Variants in MYO1E observed in about 807,000 individuals in gnomAD.
The protein encoded by MYO1E is unconventional myosin-Ie.
MYO1E carries 68 observed loss-of-function variants against 151.1 expected under a neutral mutation model. The ratio of observed to expected loss-of-function variants is 0.45; its 90% CI spans 0.37 to 0.55. The LOEUF (loss-of-function observed/expected upper bound fraction) is 0.55. MYO1E is among the 20% of genes least tolerant of loss of function. The probability of loss-of-function intolerance (pLI) is 0.00; values close to 1 mark genes in which losing one functional copy is unlikely to be tolerated. For missense variants in MYO1E, 1,363 were observed against 1,389.3 expected, an observed-to-expected ratio of 0.98 and a Z score of 0.30; for synonymous variants, 601 against 501.7, an observed-to-expected ratio of 1.20 and a Z score of -2.64.
intron 14 of MYO1E, chr15:59,208,076 T>G: frequency 6.4e-7 from 1 of 1,574,314 alleles, no homozygotes; most frequent in Admixed American, 2.0e-5. Flanking sequence ...CAGAATAAGC[T>G]TAAGCTTTAA....
intron 17 of MYO1E, among the ~76,000 whole-genome samples, chr15:59,194,761 T>C (rs1426636089): frequency 6.6e-6 from 1 of 152,126 alleles, no homozygotes; most frequent in South Asian, 2.1e-4. Flanking sequence ...ACAAAATTCA[T>C]ACCCTCTAGC....
At chr15:59,361,941 A>C (rs1312028164) in intron 1 of MYO1E, among the ~76,000 whole-genome samples, 1 of 151,896 alleles carries the variant, frequency 6.6e-6, no homozygotes, top group African/African-American at 2.4e-5. Context: ...GGTTCAAACG[A>C]TTCTCCTGCC....
chr15:59,210,638 GAT>G, intron 12 of MYO1E, 38 bp from the exon 13 acceptor site: 1 of 1,422,178 alleles, frequency 7.0e-7, no homozygotes, highest in South Asian at 1.1e-5. Flanking sequence ...TTATTTCCCA[GAT>G]AGCAAGAGCT....
rs762514912 is a variant in MYO1E at position 59,163,275 on chromosome 15, G to T, written c.2509C>A (p.His837Asn). The T allele has an allele frequency of 2.5e-6, 4 of 1,613,570 alleles. No individual in the cohort carries two copies. The African/African-American group carries it at 4.0e-5, about 16-fold the overall frequency. The change falls in exon 23 of 28, where the codon CAT becomes AAT. Residue 837 changes from histidine (H) to asparagine (N), a missense_variant. Physicochemically the swap from His to Asn is moderately conservative, Grantham distance 68. Transcript: ENST00000288235. ...STMQDDIFIL[H>N]EQEYDSLLES... ...AGCAAACTGTCATACTCTTGCTCAT[G>T]GAGAATAAAAATGTCATCCTGCATA...
intron 2 of MYO1E, among the ~76,000 whole-genome samples, chr15:59,263,604 C>T (rs1490545929): frequency 2.0e-5 from 3 of 152,016 alleles, no homozygotes; most frequent in African/African-American, 7.3e-5. Flanking sequence ...GGTAAGCATG[C>T]AGAATGACAT....
At chr15:59,285,728 T>G (rs992725227) in intron 1 of MYO1E, among the ~76,000 whole-genome samples, 1 of 152,128 alleles carries the variant, frequency 6.6e-6, no homozygotes, top group Non-Finnish European at 1.5e-5. Flanking sequence ...GTGAAAAAAA[T>G]TTTTAAGAAA....
rs1450672275 is a variant in MYO1E, at chr15:59,136,894, G to A, written c.*486C>T. The A allele has an allele frequency of 7.5e-6, 3 of 398,196 alleles. No individual in the cohort carries two copies. The highest frequency in any genetic ancestry group is 6.2e-5 in the African/African-American group (3 of 48,224). The allele number at this position is 398,196 out of a possible 1,614,324, so 24.7% of individuals were successfully genotyped here. ...CATGGGAAGTGCCTGCTCACGCTAA[G>A]CCCAGTCTGCAGAGGGCGGGTCCTC... On this transcript the variant is annotated 3_prime_UTR_variant, in exon 28 of 28. Coordinates refer to ENST00000288235, the MANE Select transcript of MYO1E (RefSeq NM_004998.4).
rs542482453 is a variant in MYO1E, at chr15:59,372,866, A to G, written c.-366T>C. On this transcript the variant is annotated 5_prime_UTR_variant, in exon 1 of 28. Transcript: ENST00000288235. ...CACTTAATCCGTACTCCTCTGGCTGAGTCTCGGCTCGGGCCGGGCAATCTG... is the reference window on the plus strand; with the variant it reads ...CACTTAATCCGTACTCCTCTGGCTGGGTCTCGGCTCGGGCCGGGCAATCTG... The G allele has an allele frequency of 2.8e-4, 93 of 331,894 alleles. No individual in the cohort carries two copies. Among genetic ancestry groups the G allele is most frequent in the African/African-American group, 1.9e-3 (87 of 46,116 alleles). 20.6% of individuals were successfully genotyped at this position (331,894 alleles called of 1,614,324 possible).
At chr15:59,143,318 TG>T (rs2079422103) in intron 26 of MYO1E, among the ~76,000 whole-genome samples, 1 of 151,936 alleles carries the variant, frequency 6.6e-6, no homozygotes, top group African/African-American at 2.4e-5. Flanking sequence ...GTGTGGATAG[TG>T]GGGACTGTCT....
chr15:59,141,510 T>A (rs930364567), intron 26 of MYO1E, among the ~76,000 whole-genome samples: 9 of 152,154 alleles, frequency 5.9e-5, no homozygotes, highest in Admixed American at 5.9e-4. Context: ...TTAAAAAATA[T>A]AGGACTGGCT....
At chr15:59,151,329 T>C (rs1361064476) in intron 26 of MYO1E, among the ~76,000 whole-genome samples, 1 of 150,808 alleles carries the variant, frequency 6.6e-6, no homozygotes, top group African/African-American at 2.4e-5. Context: ...ACTCAGGAGG[T>C]TGACGCAGGA....
In MYO1E at chr15:59,151,116, T is replaced by C. The variant is rs369333634; in HGVS notation, c.3080+2474A>G. ...GGGCGGCATCCACTCTACTGATGGCTGTCTGTGTGATAAAACTAAGGTGCT... is the reference window on the plus strand; with the variant it reads ...GGGCGGCATCCACTCTACTGATGGCCGTCTGTGTGATAAAACTAAGGTGCT... On this transcript the variant is annotated intron_variant, in intron 26 of 27. Coordinates refer to ENST00000288235, the MANE Select transcript of MYO1E (RefSeq NM_004998.4). Among the ~76,000 whole-genome samples the C allele has an allele frequency of 5.3e-5, 8 of 152,082 alleles. No homozygotes were observed. The East Asian group carries it at 1.2e-3, about 22-fold the overall frequency.
At position 59,211,199 on chromosome 15, in the gene MYO1E, C is replaced by CAA. The variant is rs34629822; in HGVS notation, c.1276-601_1276-600dup. ...TGGATGACAGAGCGAAACTCCAACT[C>CAA]AAAAAAAAAAAAAAAAATTGAATAT... On this transcript the variant is annotated intron_variant, in intron 12 of 27. Transcript: ENST00000288235. Among the ~76,000 whole-genome samples the CAA allele has an allele frequency of 2.0e-3, 227 of 116,184 alleles. 3 individuals carry two copies. The highest frequency in any genetic ancestry group is 5.9e-3 in the African/African-American group (197 of 33,280). 76.2% of individuals were successfully genotyped at this position (116,184 alleles called of 152,430 possible). A position where few individuals can be genotyped will look rare whatever the true frequency, so the allele number is the denominator to read the frequency against.
At chr15:59,340,557 C>CAG (rs2140428721) in intron 1 of MYO1E, among the ~76,000 whole-genome samples, 1 of 152,254 alleles carries the variant, frequency 6.6e-6, no homozygotes. Flanking sequence ...TATCAAATAA[C>CAG]AGTAGCATCA....
intron 18 of MYO1E, 96 bp from the exon 19 acceptor site, chr15:59,178,633 C>T (rs2140320041): frequency 2.0e-6 from 3 of 1,473,384 alleles, no homozygotes; most frequent in South Asian, 1.3e-5. Flanking sequence ...CTGAAGGTGC[C>T]CAGTGCTGCA....
intron 13 of MYO1E, among the ~76,000 whole-genome samples, chr15:59,209,450 G>T (rs1346247546): frequency 1.3e-5 from 2 of 152,010 alleles, no homozygotes; most frequent in Non-Finnish European, 2.9e-5. Context: ...GGCCGAGGGG[G>T]GTGGATCACG....
intron 18 of MYO1E, among the ~76,000 whole-genome samples, chr15:59,182,238 G>A (rs2079666134): frequency 6.6e-6 from 1 of 152,028 alleles, no homozygotes; most frequent in African/African-American, 2.4e-5. Context: ...TTGAGATGGA[G>A]TTCCACTCTT....
intron 4 of MYO1E, among the ~76,000 whole-genome samples, chr15:59,238,592 A>T (rs2080080645): frequency 6.6e-6 from 1 of 152,054 alleles, no homozygotes; most frequent in East Asian, 1.9e-4. Context: ...GTTTTTTTGA[A>T]ATGGAGTCTC....
At chr15:59,268,509 CA>C (rs2080269498) in intron 2 of MYO1E, among the ~76,000 whole-genome samples, 1 of 152,006 alleles carries the variant, frequency 6.6e-6, no homozygotes, top group South Asian at 2.1e-4. Context: ...TCTTAACAGT[CA>C]ACAAATTGTC....
Sources: gnomAD v4.1 joint callset for allele counts (sites outside exome capture counted in the v4.1 genomes callset) on GRCh38, gnomAD v4.1.1 for gene constraint, MANE v1.5 for transcripts, NCBI Gene and HGNC (gene_info 2026-07-23, HGNC 2026-07-21) for gene names.